The following TTLL5 variants were observed in gnomAD, a reference collection of about 807,000 sequenced individuals.
The protein encoded by TTLL5 is tubulin polyglutamylase TTLL5.
In TTLL5, 132 loss-of-function variants were observed where a neutral mutation model predicts 168.4. That is an observed-to-expected ratio of 0.78 (90% CI 0.68 to 0.91). TTLL5 has a LOEUF of 0.91. Among genes scored for constraint, TTLL5 ranks in the 40% least tolerant of loss-of-function variants. The pLI is 0.00. For synonymous variants in TTLL5, 546 were observed against 558.6 expected (o/e 0.98, Z 0.32); for missense variants, 1,545 against 1,581.5 (o/e 0.98, Z 0.39).
At chr14:75,805,601 C>G (rs183511983) in intron 27 of TTLL5, among the ~76,000 whole-genome samples, 89 of 152,304 alleles carry the variant, frequency 5.8e-4, no homozygotes, top group African/African-American at 2.1e-3. Context: ...TGCTGAGAGT[C>G]AGGTCCACAT....
chr14:75,924,972 C>A (rs532158243), intron 31 of TTLL5, among the ~76,000 whole-genome samples: 1 of 147,640 alleles, frequency 6.8e-6, no homozygotes, highest in Admixed American at 6.7e-5. Context: ...CCGACCCCCC[C>A]ACCTCACTCC....
rs193232752 is a variant in TTLL5, at chr14:75,858,673, G to T, written c.3327-4994G>T. The stretch of plus-strand genomic sequence containing the variant: ...TCAATGATAAAATTACAGCTTTTCA[G>T]GAAAAGTTTGACTTTTGGAAAACGT... On this transcript the variant is annotated intron_variant, in intron 28 of 31. Transcript: ENST00000298832. 5.3e-5 allele frequency among the ~76,000 whole-genome samples: 8 copies of T among 152,306 alleles called. No individual in the cohort carries two copies. The East Asian group carries it at 1.3e-3, about 26-fold the overall frequency.
intron 31 of TTLL5, among the ~76,000 whole-genome samples, chr14:75,920,257 T>G (rs1175524095): frequency 6.6e-6 from 1 of 152,126 alleles, no homozygotes; most frequent in African/African-American, 2.4e-5. Context: ...AGCCCAACAA[T>G]AAAAAGATAA....
Position 75,766,313 on chromosome 14 carries a change from G to A in TTLL5, c.1960G>A (p.Glu654Lys), listed in dbSNP as rs767383999. 4.3e-6 allele frequency: 7 copies of A among 1,613,914 alleles called. No homozygotes were observed. In the South Asian group the frequency reaches 7.7e-5, roughly 18 times the overall value. ...GGHCCKLETQELEPKFNLMQI... is the reference protein window; with the variant it reads ...GGHCCKLETQKLEPKFNLMQI... The stretch of plus-strand genomic sequence containing the variant: ...ACACTGCTGCAAACTTGAGACTCAG[G>A]AGCTAGAGCCTAAATTTAACCTGAT... Residue 654 changes from glutamate (E) to lysine (K), a missense_variant, in exon 20 of 32, where the codon GAG becomes AAG. Physicochemically the swap from Glu to Lys is moderately conservative, Grantham distance 56. Coordinates refer to ENST00000298832, the MANE Select transcript of TTLL5 (RefSeq NM_015072.5).
chr14:75,673,464 G>A (rs2140099298), intron 3 of TTLL5, among the ~76,000 whole-genome samples: 1 of 152,302 alleles, frequency 6.6e-6, no homozygotes, highest in East Asian at 1.9e-4. Context: ...GTACACTTGG[G>A]TTCTCAGCCA....
At position 75,948,954 on chromosome 14, in the gene TTLL5, C is replaced by T. The variant is rs1373651755; in HGVS notation, c.3824-5470C>T. Among the ~76,000 whole-genome samples the T allele has an allele frequency of 2.6e-5, 4 of 152,166 alleles. No individual in the cohort carries two copies. The East Asian group carries it at 7.7e-4, about 29-fold the overall frequency. On this transcript the variant is annotated intron_variant, in intron 31 of 31. Coordinates refer to ENST00000298832, the MANE Select transcript of TTLL5 (RefSeq NM_015072.5). ...TGAATCAAGAACAAAAATCTTCCCA[C>T]AAGTTAATTACCAGGCTTTTGTGTT...
At chr14:75,770,179 G>GAAAAAAAAAAA (rs56876692) in intron 20 of TTLL5, among the ~76,000 whole-genome samples, 4 of 85,000 alleles carry the variant, frequency 4.7e-5, no homozygotes, top group Non-Finnish European at 6.3e-5. Flanking sequence ...ACTCTGTCTC[G>GAAAAAAAAAAA]AAAAAAAAAA....
chr14:75,855,154 A>G (rs1897067232), intron 28 of TTLL5, among the ~76,000 whole-genome samples: 1 of 150,982 alleles, frequency 6.6e-6, no homozygotes, highest in South Asian at 2.1e-4. Context: ...CTAGAAGAAA[A>G]AAAAAAAAAA....
chr14:75,774,103 G>C (rs1167263637), intron 21 of TTLL5, among the ~76,000 whole-genome samples: 1 of 151,718 alleles, frequency 6.6e-6, no homozygotes. Context: ...TTAGGTTAGA[G>C]ATTCCTTATC....
At position 75,954,497 on chromosome 14, in the gene TTLL5, TGA is replaced by T. The variant is rs1160422392; in HGVS notation, c.*53_*54del. The stretch of plus-strand genomic sequence containing the variant: ...TGTTCACCACTCCTGGGTGCATGAT[TGA>T]GGGTGAAGCATCCACCAGCACTTCA... On this transcript the variant is annotated 3_prime_UTR_variant, in exon 32 of 32. Transcript: ENST00000298832. 6.2e-7 allele frequency: 1 copy of T among 1,605,828 alleles called. No homozygotes were observed. Among genetic ancestry groups the T allele is most frequent in the Middle Eastern group, 1.7e-4 (1 of 6,046 alleles).
At chr14:75,705,056 A>G (rs770717605) in intron 7 of TTLL5, among the ~76,000 whole-genome samples, 7 of 152,356 alleles carry the variant, frequency 4.6e-5, no homozygotes, top group African/African-American at 1.2e-4. Context: ...TACGTTTACA[A>G]CATAGCCTGC....
At chr14:75,827,703 G>A (rs1235973814) in intron 28 of TTLL5, among the ~76,000 whole-genome samples, 2 of 101,266 alleles carry the variant, frequency 2.0e-5, no homozygotes, top group African/African-American at 3.8e-5. Context: ...CATTTGGCTT[G>A]GTTCTTTTTT....
rs374492887 is a variant in TTLL5, at chr14:75,910,988, TTTG to T, written c.3823+8771_3823+8773del. Among the ~76,000 whole-genome samples, 23 of 152,260 alleles carry T rather than the reference TTTG, an allele frequency of 1.5e-4. 1 individual carries two copies. The highest frequency in any genetic ancestry group is 5.3e-4 in the African/African-American group (22 of 41,562). On this transcript the variant is annotated intron_variant, in intron 31 of 31. Coordinates refer to ENST00000298832, the MANE Select transcript of TTLL5 (RefSeq NM_015072.5). ...TCTTAAAACTTGAATGCAGGGTTTT[TTTG>T]TTGTTGGGGGGTGGGTGGTTGGTTG...
At chr14:75,776,711 CTTG>C (rs766518098) in intron 22 of TTLL5, 33 bp from the exon 23 acceptor site, 76 of 1,521,050 alleles carry the variant, frequency 5.0e-5, no homozygotes, top group African/African-American at 1.8e-4. Flanking sequence ...TCAGTTTTAT[CTTG>C]TTGTTTTTCT....
chr14:75,891,053 G>A (rs975405166), intron 30 of TTLL5, among the ~76,000 whole-genome samples: 8 of 152,098 alleles, frequency 5.3e-5, no homozygotes, highest in Non-Finnish European at 1.2e-4. Context: ...TTCCAGGTGC[G>A]CACAAGATAA....
chr14:75,850,783 GGGTTTA>G (rs1466624348), intron 28 of TTLL5, among the ~76,000 whole-genome samples: 1 of 152,088 alleles, frequency 6.6e-6, no homozygotes, highest in East Asian at 1.9e-4. Flanking sequence ...AAGACTTTAA[GGGTTTA>G]GGTTGACTTT....
At position 75,719,646 on chromosome 14, in the gene TTLL5, A is replaced by T. The variant is rs752037053; in HGVS notation, c.843-89A>T. 264 of 1,218,632 alleles carry T rather than the reference A, an allele frequency of 2.2e-4. 2 individuals carry two copies. In the Middle Eastern group the frequency reaches 3.3e-3, roughly 15 times the overall value. The allele number at this position is 1,218,632 out of a possible 1,614,324, so 75.5% of individuals were successfully genotyped here. ...AAGTGAATTAAAAAAAAAACTTTTT[A>T]AAAAGACAAGAAGGCTATTTGCAAA... On this transcript the variant is annotated intron_variant, in intron 10 of 31. Transcript: ENST00000298832.
At chr14:75,811,182 T>A (rs1268777516) in intron 27 of TTLL5, among the ~76,000 whole-genome samples, 19 of 121,254 alleles carry the variant, frequency 1.6e-4, no homozygotes, top group African/African-American at 4.9e-4. Flanking sequence ...TGTGTGTGTG[T>A]GTGTGTATGT....
intron 9 of TTLL5, chr14:75,710,170 T>G (rs771176580): frequency 7.9e-5 from 12 of 152,142 alleles, no homozygotes; most frequent in Non-Finnish European, 1.6e-4. Flanking sequence ...TGCTTAATAT[T>G]CCAAAGATAT....
Sources: gnomAD v4.1 joint callset for allele counts (sites outside exome capture counted in the v4.1 genomes callset) on GRCh38, gnomAD v4.1.1 for gene constraint, MANE v1.5 for transcripts, NCBI Gene and HGNC (gene_info 2026-07-23, HGNC 2026-07-21) for gene names.